Variants in RYR2 observed in about 807,000 individuals in gnomAD.
RYR2 encodes the protein ryanodine receptor 2, also known as cardiac muscle ryanodine receptor-calcium release channel.
Under a neutral mutation model 601.1 loss-of-function variants are expected in RYR2, and 227 were observed. The observed-to-expected ratio is 0.38, with a 90% confidence interval of 0.34 to 0.42. The LOEUF (loss-of-function observed/expected upper bound fraction) is 0.42. RYR2 is among the 10% of genes least tolerant of loss of function. RYR2 has a pLI of 1.00. For synonymous variants in RYR2, 2,223 were observed against 2,175.1 expected, an observed-to-expected ratio of 1.02 and a Z score of -0.61; for missense variants, 4,646 against 6,156.5, an observed-to-expected ratio of 0.75 and a Z score of 8.21.
At chr1:237,517,421 C>T (rs1423651704) in intron 24 of RYR2, among the ~76,000 whole-genome samples, 1 of 152,116 alleles carries the variant, frequency 6.6e-6, no homozygotes, top group East Asian at 1.9e-4. Context: ...CTTTTTGCTT[C>T]CCTGGGCCAC....
chr1:237,270,906 G>C (rs538628209), intron 2 of RYR2, among the ~76,000 whole-genome samples: 1 of 152,238 alleles, frequency 6.6e-6, no homozygotes, highest in African/African-American at 2.4e-5. Context: ...AACTGATAAG[G>C]GCTAGGAAGA....
chr1:237,481,938 T>C (rs1036059575), intron 17 of RYR2, among the ~76,000 whole-genome samples: 5 of 152,188 alleles, frequency 3.3e-5, no homozygotes, highest in Admixed American at 6.5e-5. Context: ...TTTTTCTTTT[T>C]TCATGATGTT....
At chr1:237,781,850 A>G (rs1456087838) in intron 89 of RYR2, among the ~76,000 whole-genome samples, 1 of 152,210 alleles carries the variant, frequency 6.6e-6, no homozygotes, top group African/African-American at 2.4e-5. Context: ...ACATATCTAC[A>G]AAATGAAAAT....
intron 54 of RYR2, among the ~76,000 whole-genome samples, chr1:237,658,674 A>G (rs1461217159): frequency 6.6e-6 from 1 of 152,192 alleles, no homozygotes; most frequent in Non-Finnish European, 1.5e-5. Context: ...TGCTGAGATT[A>G]CAGGCATGAG....
At chr1:237,069,424 G>T (rs1182364831) in intron 1 of RYR2, among the ~76,000 whole-genome samples, 1 of 152,036 alleles carries the variant, frequency 6.6e-6, no homozygotes, top group Non-Finnish European at 1.5e-5. Context: ...GGCACAGCAA[G>T]TTGGACATTT....
intron 103 of RYR2, 115 bp downstream of exon 103, chr1:237,830,745 T>G: frequency 1.7e-6 from 1 of 602,164 alleles, no homozygotes; most frequent in Non-Finnish European, 3.0e-6. Flanking sequence ...TTGCTGCAGA[T>G]ACTTTAAAAG....
chr1:237,697,347 A>G (rs1687552573), intron 63 of RYR2, among the ~76,000 whole-genome samples: 1 of 142,732 alleles, frequency 7.0e-6, no homozygotes, highest in Non-Finnish European at 1.5e-5. Flanking sequence ...TATATAGTAT[A>G]TATATATAAT....
At chr1:237,162,285 C>T (rs1025156735) in intron 1 of RYR2, among the ~76,000 whole-genome samples, 7 of 152,066 alleles carry the variant, frequency 4.6e-5, no homozygotes, top group African/African-American at 1.2e-4. Flanking sequence ...TACCTTTATA[C>T]AGTATGTGAA....
chr1:237,238,393 T>C (rs150820265), intron 1 of RYR2, among the ~76,000 whole-genome samples: 2 of 152,326 alleles, frequency 1.3e-5, no homozygotes, highest in African/African-American at 4.8e-5. Context: ...CATGTATTGA[T>C]TGAGGTCCTT....
intron 4 of RYR2, among the ~76,000 whole-genome samples, chr1:237,360,567 T>C (rs1316335422): frequency 6.6e-6 from 1 of 152,192 alleles, no homozygotes; most frequent in Admixed American, 6.5e-5. Context: ...AGACATTCCA[T>C]TTAACTACTG....
chr1:237,416,420 A>G (rs145547395), intron 10 of RYR2, among the ~76,000 whole-genome samples: 225 of 152,314 alleles, frequency 1.5e-3, no homozygotes, highest in African/African-American at 5.1e-3. Context: ...AGCATTATGT[A>G]TGGCATATTA....
intron 1 of RYR2, among the ~76,000 whole-genome samples, chr1:237,237,485 C>T (rs556166056): frequency 6.6e-5 from 10 of 152,292 alleles, no homozygotes; most frequent in Admixed American, 4.6e-4. Context: ...GTTACACTCT[C>T]CTCCCTTTGG....
At chr1:237,761,087 A>T in intron 84 of RYR2, 59 bp downstream of exon 84, 1 of 912,312 alleles carries the variant, frequency 1.1e-6, no homozygotes. Context: ...GAAACGAGTC[A>T]ATTATCAATT....
At chr1:237,148,233 GA>G (rs1424737734) in intron 1 of RYR2, among the ~76,000 whole-genome samples, 1 of 151,930 alleles carries the variant, frequency 6.6e-6, no homozygotes, top group Non-Finnish European at 1.5e-5. Context: ...GGTTTTCACT[GA>G]AATACGTGCA....
At chr1:237,745,715 A>C (rs1692016031) in intron 80 of RYR2, among the ~76,000 whole-genome samples, 1 of 152,324 alleles carries the variant, frequency 6.6e-6, no homozygotes, top group African/African-American at 2.4e-5. Flanking sequence ...CCTGAGAGAA[A>C]GGGCTACCTT....
At chr1:237,740,433 A>G (rs534092327) in intron 79 of RYR2, among the ~76,000 whole-genome samples, 26 of 152,324 alleles carry the variant, frequency 1.7e-4, no homozygotes, top group African/African-American at 6.0e-4. Context: ...AGATTTTTTT[A>G]AAACAGTTAA....
chr1:237,606,205 G>T (rs1384177639), intron 35 of RYR2, among the ~76,000 whole-genome samples: 1 of 152,082 alleles, frequency 6.6e-6, no homozygotes, highest in Non-Finnish European at 1.5e-5. Context: ...GCATGGTACT[G>T]GTACCAAAAC....
At chr1:237,120,296 T>C (rs1415754208) in intron 1 of RYR2, among the ~76,000 whole-genome samples, 5 of 152,218 alleles carry the variant, frequency 3.3e-5, no homozygotes, top group Non-Finnish European at 5.9e-5. Flanking sequence ...TCCCATCAAA[T>C]TGTACTTTAG....
At chr1:237,496,959 C>T (rs1664138110) in intron 20 of RYR2, among the ~76,000 whole-genome samples, 1 of 152,074 alleles carries the variant, frequency 6.6e-6, no homozygotes, top group South Asian at 2.1e-4. Context: ...AGTACATTTC[C>T]AAGGGACTGC....
Sources: allele counts gnomAD v4.1 joint callset (sites outside exome capture counted in the v4.1 genomes callset), GRCh38; gene constraint gnomAD v4.1.1; transcripts MANE v1.5; gene names NCBI Gene and HGNC (gene_info 2026-07-23, HGNC 2026-07-21).